VPS8: variants seen among roughly 807,000 people sequenced by gnomAD.
The protein encoded by VPS8 is vacuolar protein sorting-associated protein 8 homolog.
A neutral mutation model predicts 216.4 loss-of-function variants in VPS8; 129 were observed. The observed-to-expected ratio is 0.60, with a 90% CI of 0.52 to 0.69. VPS8 has a LOEUF of 0.69. VPS8 is among the 30% of genes least tolerant of loss of function. VPS8 has a pLI of 0.00. For missense variants in VPS8, 1,531 were observed against 1,683.5 expected, an observed-to-expected ratio of 0.91 and a Z score of 1.59; for synonymous variants, 571 against 565.4, an observed-to-expected ratio of 1.01 and a Z score of -0.14.
Position 184,843,204 on chromosome 3 carries a change from T to G in VPS8, c.536-36T>G, listed in dbSNP as rs778022982. ...TTTTGAACTGATTTCTTGCTTTTCT[T>G]TATCTTTCTTGATCTTTTCTTCATG... On this transcript the variant is annotated intron_variant, in intron 7 of 47. Coordinates refer to ENST00000625842, the MANE Select transcript of VPS8 (RefSeq NM_001009921.3). 3.5e-6 allele frequency: 5 copies of G among 1,418,766 alleles called. No homozygotes were observed. The East Asian group carries it at 9.9e-5, about 28-fold the overall frequency. The allele number at this position is 1,418,766 out of a possible 1,614,324, so 87.9% of individuals were successfully genotyped here. A position where few individuals can be genotyped will look rare whatever the true frequency, so the allele number is the denominator to read the frequency against.
intron 45 of VPS8, among the ~76,000 whole-genome samples, chr3:185,023,072 CA>C (rs1171496702): frequency 7.2e-5 from 11 of 152,268 alleles, no homozygotes; most frequent in South Asian, 6.2e-4. Flanking sequence ...TCTGTCACCA[CA>C]ATCAAGATAA....
intron 21 of VPS8, among the ~76,000 whole-genome samples, chr3:184,884,040 C>G (rs1730737337): frequency 6.6e-6 from 1 of 152,034 alleles, no homozygotes; most frequent in Admixed American, 6.5e-5. Context: ...TTTGAACTTG[C>G]TTCTTTCAAG....
chr3:185,013,604 T>A (rs1755357173), intron 45 of VPS8, among the ~76,000 whole-genome samples: 1 of 152,246 alleles, frequency 6.6e-6, no homozygotes, highest in South Asian at 2.1e-4. Context: ...TCCTTCTAGA[T>A]GCTTTTTTAT....
At chr3:184,866,360 G>A (rs1727359100) in intron 16 of VPS8, among the ~76,000 whole-genome samples, 2 of 152,212 alleles carry the variant, frequency 1.3e-5, no homozygotes, top group African/African-American at 4.8e-5. Context: ...AATTTATAGA[G>A]ACAGATGTAC....
At chr3:184,953,855 T>C (rs6782481) in intron 36 of VPS8, among the ~76,000 whole-genome samples, 151,764 of 152,252 alleles carry the variant, frequency 1, 75,641 homozygotes, top group Middle Eastern at 1. Context: ...TGTGGCAGGC[T>C]GCTAAGAGAG....
chr3:184,848,944 G>A, intron 8 of VPS8, 127 bp from the exon 9 acceptor site: 1 of 922,340 alleles, frequency 1.1e-6, no homozygotes, highest in Non-Finnish European at 1.6e-6. Context: ...ATTTAAAAAT[G>A]AATGTGACTT....
chr3:184,899,709 A>G (rs1178412668), intron 24 of VPS8, among the ~76,000 whole-genome samples: 1 of 152,178 alleles, frequency 6.6e-6, no homozygotes, highest in Non-Finnish European at 1.5e-5. Context: ...GCATGCCACA[A>G]CTAAGCCACA....
rs769647264 is a variant in VPS8 at position 185,051,882 on chromosome 3, C to T, written c.4144C>T (p.Leu1382Phe). The T allele has an allele frequency of 6.2e-7, 1 of 1,601,084 alleles. No individual in the cohort carries two copies. Among genetic ancestry groups the T allele is most frequent in the Non-Finnish European group, 8.5e-7 (1 of 1,173,680 alleles). The change falls in exon 48 of 48, where the codon CTC (leucine) becomes TTC (phenylalanine). Residue 1382 changes from leucine (L) to phenylalanine (F), a missense_variant. Physicochemically the swap from Leu to Phe is conservative, Grantham distance 22 (BLOSUM62 0). This residue lies in a region of VPS8 where 1,318 missense variants were observed against 1,468.4 expected (regional missense o/e 0.90). Transcript: ENST00000625842. ...GTGTGTCCTTCCTTTGCAGCTGGCTCTCCTCACGGAACTCTCCCAGAATCG... is the reference window on the plus strand; with the variant it reads ...GTGTGTCCTTCCTTTGCAGCTGGCTTTCCTCACGGAACTCTCCCAGAATCG... Reference protein sequence around the residue: ...RLYRGSSRLALLTELSQNRSS... With the variant: ...RLYRGSSRLAFLTELSQNRSS...
intron 4 of VPS8, 63 bp from the exon 5 acceptor site, chr3:184,834,586 T>C: frequency 7.5e-7 from 1 of 1,334,522 alleles, no homozygotes; most frequent in Non-Finnish European, 1.0e-6. Context: ...CTTTCAAAGC[T>C]TTGGGACCTC....
At chr3:185,019,836 A>T (rs990845690) in intron 45 of VPS8, among the ~76,000 whole-genome samples, 1 of 152,212 alleles carries the variant, frequency 6.6e-6, no homozygotes, top group African/African-American at 2.4e-5. Context: ...TCTTTATTTC[A>T]TAATTAAATG....
intron 44 of VPS8, among the ~76,000 whole-genome samples, chr3:184,997,138 A>C (rs997766775): frequency 2.8e-4 from 42 of 152,328 alleles, no homozygotes; most frequent in Admixed American, 5.2e-4. Flanking sequence ...TCAGCATATG[A>C]TATTTAAGCT....
rs1052350092 is a variant in VPS8 at position 184,977,156 on chromosome 3, T to C, written c.3420+5404T>C. ...TTTTTGACTTTTTAACAAAAGCCAT[T>C]GTCACTGGTGTGAGATGGTATCTTA... On this transcript the variant is annotated intron_variant, in intron 40 of 47. Coordinates refer to ENST00000625842, the MANE Select transcript of VPS8 (RefSeq NM_001009921.3). Among the ~76,000 whole-genome samples, 4 of 152,218 alleles carry C rather than the reference T, an allele frequency of 2.6e-5. No homozygotes were observed. In the East Asian group the frequency reaches 7.7e-4, roughly 29 times the overall value.
intron 30 of VPS8, among the ~76,000 whole-genome samples, chr3:184,925,981 G>A (rs1374896567): frequency 1.3e-5 from 2 of 150,866 alleles, no homozygotes; most frequent in East Asian, 2.0e-4. Context: ...CACCATGCTG[G>A]CCAGGCTGGT....
intron 8 of VPS8, among the ~76,000 whole-genome samples, chr3:184,844,285 G>A (rs1350531295): frequency 6.6e-6 from 1 of 152,056 alleles, no homozygotes; most frequent in East Asian, 1.9e-4. Flanking sequence ...GCCAGGCATG[G>A]TGGCATGTGC....
intron 27 of VPS8, 50 bp downstream of exon 27, chr3:184,915,103 A>G: frequency 6.3e-7 from 1 of 1,593,580 alleles, no homozygotes; most frequent in Non-Finnish European, 8.6e-7. Context: ...TCTGGTTAAG[A>G]CGCACTGAAG....
At chr3:184,969,985 C>G (rs1748141851) in intron 39 of VPS8, among the ~76,000 whole-genome samples, 2 of 144,858 alleles carry the variant, frequency 1.4e-5, no homozygotes, top group South Asian at 2.3e-4. Flanking sequence ...TCTCAGCTCA[C>G]TGCAACCTCT....
intron 46 of VPS8, among the ~76,000 whole-genome samples, chr3:185,047,016 C>T (rs1464312712): frequency 1.3e-5 from 2 of 152,222 alleles, no homozygotes; most frequent in Non-Finnish European, 2.9e-5. Flanking sequence ...AGGGAGCTGA[C>T]CTTAGCAGCT....
chr3:184,845,656 G>A (rs953245095), intron 8 of VPS8, among the ~76,000 whole-genome samples: 1 of 151,730 alleles, frequency 6.6e-6, no homozygotes, highest in Non-Finnish European at 1.5e-5. Context: ...TTGGGAGGCT[G>A]AGGCAGGAGA....
In VPS8 at chr3:184,887,932, TTACG is replaced by T. The variant is rs1386072799; in HGVS notation, c.1781+1779_1781+1782del. 3.9e-5 allele frequency among the ~76,000 whole-genome samples: 6 copies of T among 152,174 alleles called. No individual in the cohort carries two copies. In the East Asian group the frequency reaches 1.2e-3, roughly 29 times the overall value. On this transcript the variant is annotated intron_variant, in intron 22 of 47. Coordinates refer to ENST00000625842, the MANE Select transcript of VPS8 (RefSeq NM_001009921.3). ...TTATTCCAGTGTTTTAACTCTAGTGTTACGTAATTAGCAAAACACATCGTGTTTA... is the reference window on the plus strand; with the variant it reads ...TTATTCCAGTGTTTTAACTCTAGTGTTAATTAGCAAAACACATCGTGTTTA...
Sources: gnomAD v4.1 joint callset for allele counts (sites outside exome capture counted in the v4.1 genomes callset) on GRCh38, gnomAD v4.1.1 for gene constraint, gnomAD v4.1.1 regional missense constraint, MANE v1.5 for transcripts, NCBI Gene and HGNC (gene_info 2026-07-23, HGNC 2026-07-21) for gene names.